ITGAE: variants seen among roughly 807,000 people sequenced by gnomAD.
The protein encoded by ITGAE is integrin subunit alpha E.
Under a neutral mutation model 136.5 loss-of-function variants are expected in ITGAE, and 99 were observed. That is an observed-to-expected ratio of 0.73 (90% CI 0.62 to 0.86). The LOEUF (loss-of-function observed/expected upper bound fraction) is 0.86. Among genes scored for constraint, ITGAE ranks in the 40% least tolerant of loss-of-function variants. The pLI is 0.00. For synonymous variants in ITGAE, 613 were observed against 591.8 expected, an observed-to-expected ratio of 1.04 and a Z score of -0.52; for missense variants, 1,447 against 1,515.3, an observed-to-expected ratio of 0.95 and a Z score of 0.75.
chr17:3,745,907 T>A lies in ITGAE; in HGVS notation c.2176A>T (p.Asn726Tyr). Residue 726 changes from asparagine to tyrosine, a missense_variant, in exon 18 of 31, where the codon AAC becomes TAC. Physicochemically the swap from Asn to Tyr is moderately radical, Grantham distance 143. This residue lies in a region of ITGAE where 1,031 missense variants were observed against 1,011.4 expected (regional missense o/e 1.02). Coordinates refer to ENST00000263087, the MANE Select transcript of ITGAE (RefSeq NM_002208.5). ...SESGLREALL[N>Y]FTLDVDVGKQ... ...CCCACATCCACATCCAGCGTGAAGT[T>A]GAGAAGTGCCTCGCGGAGGCCTGGG... The A allele has an allele frequency of 1.2e-6, 2 of 1,613,824 alleles. No individual in the cohort carries two copies. The highest frequency in any genetic ancestry group is 2.2e-5 in the South Asian group (2 of 91,064).
chr17:3,793,493 C>T (rs2052990251), intron 1 of ITGAE, among the ~76,000 whole-genome samples: 1 of 152,236 alleles, frequency 6.6e-6, no homozygotes, highest in Non-Finnish European at 1.5e-5. Flanking sequence ...GGAGCCCAGA[C>T]TCCCTACTGG....
intron 2 of ITGAE, among the ~76,000 whole-genome samples, chr17:3,770,446 A>G (rs1165834308): frequency 6.6e-6 from 1 of 151,928 alleles, no homozygotes; most frequent in Admixed American, 6.6e-5. Flanking sequence ...GTCTATTTCC[A>G]TGTCTGCTGT....
chr17:3,738,561 G>T (rs1298706514), intron 20 of ITGAE, among the ~76,000 whole-genome samples: 1 of 152,190 alleles, frequency 6.6e-6, no homozygotes, highest in Non-Finnish European at 1.5e-5. Flanking sequence ...CCAATAGAAC[G>T]TCTGCAGCGA....
At chr17:3,729,895 A>AT (rs1490752457) in intron 23 of ITGAE, among the ~76,000 whole-genome samples, 1 of 151,902 alleles carries the variant, frequency 6.6e-6, no homozygotes, top group African/African-American at 2.4e-5. Flanking sequence ...GCGCCTGGCT[A>AT]TTTTTTTAAG....
intron 2 of ITGAE, among the ~76,000 whole-genome samples, chr17:3,776,348 G>A (rs777375589): frequency 2.1e-4 from 32 of 151,666 alleles, no homozygotes; most frequent in African/African-American, 2.7e-4. Flanking sequence ...GTGAGCCACC[G>A]CGCCCGGCAG....
intron 18 of ITGAE, among the ~76,000 whole-genome samples, chr17:3,745,042 T>TAGATCCAAAGTGCG (rs1417313632): frequency 6.6e-6 from 1 of 152,186 alleles, no homozygotes; most frequent in Non-Finnish European, 1.5e-5. Context: ...ACGATCCATA[T>TAGATCCAAAGTGCG]AGATCCAAAG....
At chr17:3,738,474 G>C (rs1398381614) in intron 20 of ITGAE, among the ~76,000 whole-genome samples, 2 of 152,024 alleles carry the variant, frequency 1.3e-5, no homozygotes, top group Non-Finnish European at 2.9e-5. Context: ...CGGCCTGGGG[G>C]GCATTCTAAG....
At chr17:3,716,100 A>T (rs8078580) in intron 30 of ITGAE, among the ~76,000 whole-genome samples, 1 of 150,326 alleles carries the variant, frequency 6.7e-6, no homozygotes, top group African/African-American at 2.5e-5. Context: ...GGTGGGGGGA[A>T]GGGAAGGTTG....
chr17:3,751,714 G>A lies in ITGAE; in HGVS notation c.1829C>T (p.Ala610Val). 6.2e-7 allele frequency: 1 copy of A among 1,614,030 alleles called. No homozygotes were observed. The highest frequency in any genetic ancestry group is 2.2e-5 in the East Asian group (1 of 44,878). ...GTAGATATACACACTGCCGAAGCTG[G>A]CACCATCATCTGCCCCAAAACCTTC... Reference protein sequence around the residue: ...PLEGFGADDGASFGSVYIYNG... With the variant: ...PLEGFGADDGVSFGSVYIYNG... Residue 610 changes from alanine to valine, a missense_variant, in exon 15 of 31, where the codon GCC becomes GTC. Around this residue, in one of 3 missense-constraint regions of ITGAE, gnomAD observed 1,031 missense variants for 1,011.4 expected, o/e 1.02. Coordinates refer to ENST00000263087, the MANE Select transcript of ITGAE (RefSeq NM_002208.5).
rs754518630 is a variant in ITGAE at position 3,745,935 on chromosome 17, T to C, written c.2156-8A>G. 3 of 1,612,594 alleles carry C rather than the reference T, an allele frequency of 1.9e-6. No individual in the cohort carries two copies. Among genetic ancestry groups the C allele is most frequent in the Non-Finnish European group, 2.5e-6 (3 of 1,179,410 alleles). On this transcript the variant is annotated splice_region_variant and splice_polypyrimidine_tract_variant and intron_variant, in intron 17 of 30. Transcript: ENST00000263087. ...GAAGTGCCTCGCGGAGGCCTGGGAA[T>C]GAAGACCAGACCTTCCCGATGAGGT...
chr17:3,730,778 C>T (rs758636154), intron 23 of ITGAE, among the ~76,000 whole-genome samples: 1 of 152,160 alleles, frequency 6.6e-6, no homozygotes, highest in Non-Finnish European at 1.5e-5. Context: ...CCCCACCTTA[C>T]CCCCCAACAC....
chr17:3,715,003 C>T lies in ITGAE; in HGVS notation c.3445-61G>A. 3.9e-6 allele frequency: 4 copies of T among 1,019,086 alleles called. No individual in the cohort carries two copies. The South Asian group carries it at 5.2e-5, about 13-fold the overall frequency. The allele number at this position is 1,019,086 out of a possible 1,614,324, so 63.1% of individuals were successfully genotyped here. On this transcript the variant is annotated intron_variant, in intron 30 of 30. Transcript: ENST00000263087. ...AAAGATAGCCATCTGTTTCAGAAAA[C>T]CGGCATTCTGGCTGTTGCCTAAATA... is the stretch of plus-strand genomic sequence containing the variant.
chr17:3,760,999 C>A lies in ITGAE; in HGVS notation c.598+14G>T, dbSNP rs1450342633. 6.3e-7 allele frequency: 1 copy of A among 1,595,464 alleles called. No homozygotes were observed. Among genetic ancestry groups the A allele is most frequent in the Non-Finnish European group, 8.5e-7 (1 of 1,177,656 alleles). On this transcript the variant is annotated intron_variant, in intron 6 of 30. Transcript: ENST00000263087. ...CTGATAGACTCAGAGCAACCCAGAT[C>A]TGCCTCTTCTCACCAGCTTCCTCCT...
intron 26 of ITGAE, chr17:3,726,012 T>A (rs769460222): frequency 1.2e-6 from 2 of 1,613,944 alleles, no homozygotes; most frequent in African/African-American, 2.7e-5. Flanking sequence ...CCTGTCGCGC[T>A]TGGAACGGGA....
chr17:3,730,207 G>A (rs2051308602), intron 23 of ITGAE, among the ~76,000 whole-genome samples: 1 of 152,068 alleles, frequency 6.6e-6, no homozygotes, highest in South Asian at 2.1e-4. Flanking sequence ...TGTAATCCCA[G>A]TGCTTTGGGA....
intron 26 of ITGAE, chr17:3,724,368 C>CGCCTCAGCCCGG (rs1265384260): frequency 6.2e-7 from 1 of 1,604,666 alleles, no homozygotes; most frequent in Admixed American, 1.7e-5. Flanking sequence ...CGACTCCGGC[C>CGCCTCAGCCCGG]GCCTCAGCCC....
rs78134599 is a variant in ITGAE at position 3,731,335 on chromosome 17, CTTTTTTT to C, written c.2755-159_2755-153del. ...AACACAGCATGTTTCCTTTCCCTTC[CTTTTTTT>C]TTTTTTTTTTTTTTTTTGAGAGGGA... On this transcript the variant is annotated intron_variant, in intron 22 of 30. Coordinates refer to ENST00000263087, the MANE Select transcript of ITGAE (RefSeq NM_002208.5). 1,244 of 398,460 alleles carry C rather than the reference CTTTTTTT, an allele frequency of 3.1e-3. 4 individuals are homozygous for C. The highest frequency in any genetic ancestry group is 0.018 in the Admixed American group (514 of 28,112). The allele number at this position is 398,460 out of a possible 1,614,324, so 24.7% of individuals were successfully genotyped here. A position where few individuals can be genotyped will look rare whatever the true frequency, so the allele number is the denominator to read the frequency against.
In ITGAE at chr17:3,739,825, C is replaced by T; in HGVS notation, c.2502G>A (p.Gln834=). The T allele has an allele frequency of 1.2e-6, 2 of 1,614,180 alleles. No individual in the cohort carries two copies. Among genetic ancestry groups the T allele is most frequent in the Non-Finnish European group, 1.7e-6 (2 of 1,180,006 alleles). Residue 834 remains glutamine, a synonymous_variant, in exon 20 of 31, where the codon CAG becomes CAA. Transcript: ENST00000263087. Reference sequence around the variant, plus strand: ...CTCACTGAGAGACGGTGGTGGCCAACTGTAATTCTGCGACACAAAACAGCT... The same window carrying T: ...CTCACTGAGAGACGGTGGTGGCCAATTGTAATTCTGCGACACAAAACAGCT... ...KNKLFCVAEL[Q]LATTVSQQEL...
In ITGAE at chr17:3,799,332, G is replaced by T. The variant is rs529783457; in HGVS notation, c.34+1779C>A. ...CTGGTCCCCTTCCCGTGGCTGAGCT[G>T]AGCTGTGGGCTAAGTGGTCTCATGG... On this transcript the variant is annotated intron_variant, in intron 1 of 30. Transcript: ENST00000263087. This position sits in a 1 kb window ranked among gnomAD's most constrained non-coding sequence, Gnocchi z 4.1. Among the ~76,000 whole-genome samples the T allele has an allele frequency of 1.3e-5, 2 of 152,280 alleles. No individual in the cohort carries two copies. The highest frequency in any genetic ancestry group is 4.1e-4 in the South Asian group (2 of 4,824).
Sources: allele counts gnomAD v4.1 joint callset (sites outside exome capture counted in the v4.1 genomes callset), GRCh38; gene constraint gnomAD v4.1.1; regional missense constraint gnomAD v4.1.1; non-coding constraint Gnocchi (gnomAD v3.1); transcripts MANE v1.5; gene names NCBI Gene and HGNC (gene_info 2026-07-23, HGNC 2026-07-21).